Variants in FASTKD2 observed in about 807,000 individuals in gnomAD.
FASTKD2 encodes FAST kinase domains 2.
Under a neutral mutation model 63.6 loss-of-function variants are expected in FASTKD2, and 51 were observed. That is an observed-to-expected ratio of 0.80 (90% CI 0.64 to 1.01). The LOEUF (loss-of-function observed/expected upper bound fraction) is 1.01. Ranked by LOEUF, FASTKD2 falls within the 50% of genes least tolerant of loss-of-function variation. The probability of loss-of-function intolerance (pLI) is 0.00; values close to 1 mark genes in which losing one functional copy is unlikely to be tolerated. For missense variants in FASTKD2, 786 were observed against 831.1 expected (o/e 0.95, Z 0.67); for synonymous variants, 284 against 293.4 (o/e 0.97, Z 0.33).
chr2:206,789,836 C>T (rs774562563), intron 10 of FASTKD2: 1 of 152,280 alleles, frequency 6.6e-6, no homozygotes, highest in African/African-American at 2.4e-5. Context: ...TCGGGTACTC[C>T]GCTATTCTGG....
intron 8 of FASTKD2, 57 bp from the exon 9 acceptor site, chr2:206,787,880 T>C (rs1296351804): frequency 2.2e-6 from 2 of 907,532 alleles, no homozygotes; most frequent in East Asian, 5.2e-5. Context: ...ACTAATATAG[T>C]TTTTTAATGT....
At position 206,766,592 on chromosome 2, in the gene FASTKD2, A is replaced by C. The variant is rs1689484694; in HGVS notation, c.-50-52A>C. On this transcript the variant is annotated intron_variant, in intron 1 of 11. Coordinates refer to ENST00000402774, the MANE Select transcript of FASTKD2 (RefSeq NM_001136193.2). ...CTGTTAAATGCATTTCATTTCTTTA[A>C]GTAAAAGTTTTGTTTTAATTTTTAT... The C allele has an allele frequency of 9.9e-6, 10 of 1,008,600 alleles. No homozygotes were observed. The South Asian group carries it at 1.2e-4, about 12-fold the overall frequency. The allele number at this position is 1,008,600 out of a possible 1,614,324, so 62.5% of individuals were successfully genotyped here.
chr2:206,789,159 T>A lies in FASTKD2; in HGVS notation c.1898+256T>A, dbSNP rs543325922. 1.0e-4 allele frequency: 45 copies of A among 441,140 alleles called. No individual in the cohort carries two copies. The East Asian group carries it at 1.9e-3, about 18-fold the overall frequency. The allele number at this position is 441,140 out of a possible 1,614,324, so 27.3% of individuals were successfully genotyped here. A position where few individuals can be genotyped will look rare whatever the true frequency, so the allele number is the denominator to read the frequency against. On this transcript the variant is annotated intron_variant, in intron 10 of 11. Coordinates refer to ENST00000402774, the MANE Select transcript of FASTKD2 (RefSeq NM_001136193.2). ...TAAAATTAGGTTTTGAAGCTATAGT[T>A]CAATAAAACAATATTAATATAATTG... is the stretch of plus-strand genomic sequence containing the variant.
At chr2:206,768,560 G>A (rs1689585824) in intron 2 of FASTKD2, among the ~76,000 whole-genome samples, 2 of 152,112 alleles carry the variant, frequency 1.3e-5, no homozygotes, top group Admixed American at 1.3e-4. Context: ...AATTAGCTGG[G>A]TGTGATGTAC....
intron 4 of FASTKD2, 92 bp downstream of exon 4, chr2:206,771,382 C>G: frequency 1.3e-6 from 1 of 761,010 alleles, no homozygotes; most frequent in Non-Finnish European, 2.4e-6. Flanking sequence ...TCTAGGAGGA[C>G]ATTGCTGGGC....
chr2:206,780,467 G>T lies in FASTKD2; in HGVS notation c.1427+6070G>T, dbSNP rs569850615. Among the ~76,000 whole-genome samples, 5 of 152,350 alleles carry T rather than the reference G, an allele frequency of 3.3e-5. No homozygotes were observed. The East Asian group carries it at 7.7e-4, about 23-fold the overall frequency. ...GTTTCTGCTAAGAAGTTCACTGCTA[G>T]TCTGATGGGGGCTCCCTTGTACATG... On this transcript the variant is annotated intron_variant, in intron 7 of 11. Transcript: ENST00000402774.
At chr2:206,779,976 A>C (rs1401570111) in intron 7 of FASTKD2, among the ~76,000 whole-genome samples, 1 of 152,184 alleles carries the variant, frequency 6.6e-6, no homozygotes, top group Non-Finnish European at 1.5e-5. Flanking sequence ...AGTCTATTTT[A>C]AGCTGAAAAC....
At chr2:206,787,458 T>G (rs1690165976) in intron 8 of FASTKD2, among the ~76,000 whole-genome samples, 1 of 152,208 alleles carries the variant, frequency 6.6e-6, no homozygotes. Flanking sequence ...TGACGATGTG[T>G]CTGAGAATAG....
At position 206,790,666 on chromosome 2, in the gene FASTKD2, A is replaced by G. The variant is rs373432793; in HGVS notation, c.1993A>G (p.Met665Val). 71 of 1,602,946 alleles carry G rather than the reference A, an allele frequency of 4.4e-5. No homozygotes were observed. Among genetic ancestry groups the G allele is most frequent in the African/African-American group, 4.4e-4 (33 of 74,808 alleles). Residue 665 changes from methionine to valine, a missense_variant, in exon 11 of 12, where the codon ATG becomes GTG. Transcript: ENST00000402774. ...LAMKMRHLNA[M>V]GFHVILVNNW... ...TATGAAAATGCGGCATTTGAATGCA[A>G]TGGGTTTTCATGTGATCTTGGTGAG...
At position 206,792,348 on chromosome 2, in the gene FASTKD2, T is replaced by G. The variant is rs1690308266; in HGVS notation, c.*546T>G. The G allele has an allele frequency of 6.3e-6, 1 of 158,480 alleles. No homozygotes were observed. Among genetic ancestry groups the G allele is most frequent in the Non-Finnish European group, 1.4e-5 (1 of 71,832 alleles). 9.8% of individuals were successfully genotyped at this position (158,480 alleles called of 1,614,324 possible). On this transcript the variant is annotated 3_prime_UTR_variant, in exon 12 of 12. Transcript: ENST00000402774. ...GTAATAAGCACTGCAGGTAGAGATA[T>G]TTCATGGGTTATAATAAGAGAAACA... is the stretch of plus-strand genomic sequence containing the variant.
intron 8 of FASTKD2, among the ~76,000 whole-genome samples, chr2:206,787,654 C>A (rs964793585): frequency 6.6e-6 from 1 of 152,042 alleles, no homozygotes; most frequent in Admixed American, 6.6e-5. Context: ...TTTTAACTTT[C>A]CTGGGCATTT....
At chr2:206,786,065 C>T (rs1275845440) in intron 7 of FASTKD2, among the ~76,000 whole-genome samples, 1 of 152,088 alleles carries the variant, frequency 6.6e-6, no homozygotes, top group East Asian at 1.9e-4. Context: ...GCATGTATTT[C>T]TTTTTTTATA....
intron 7 of FASTKD2, among the ~76,000 whole-genome samples, chr2:206,783,651 T>G (rs1385243065): frequency 6.6e-6 from 1 of 152,122 alleles, no homozygotes; most frequent in Non-Finnish European, 1.5e-5. Context: ...ACCTGAGAGA[T>G]AACTTGTTCC....
chr2:206,765,882 ATCGCTTTCGTTTTCTGCTTC>A (rs886710698), intron 1 of FASTKD2, 135 bp downstream of exon 1: 1 of 152,292 alleles, frequency 6.6e-6, no homozygotes, highest in African/African-American at 2.4e-5. Context: ...ACGTGCAGAC[ATCGCTTTCGTTTTCTGCTTC>A]TTCCACTGAG....
chr2:206,770,346 A>G (rs778162589), intron 3 of FASTKD2, 152 bp downstream of exon 3: 6 of 685,764 alleles, frequency 8.7e-6, no homozygotes, highest in Non-Finnish European at 1.6e-5. Context: ...TACCTTATTA[A>G]GCTTAAAATC....
chr2:206,775,354 G>T (rs1689794899), intron 7 of FASTKD2, among the ~76,000 whole-genome samples: 1 of 150,420 alleles, frequency 6.6e-6, no homozygotes. Context: ...AGCATCAGTT[G>T]AAATGATCAT....
chr2:206,788,639 G>A (rs1158812072), intron 9 of FASTKD2, among the ~76,000 whole-genome samples, 180 bp from the exon 10 acceptor site: 9 of 149,378 alleles, frequency 6.0e-5, no homozygotes, highest in Non-Finnish European at 1.2e-4. Context: ...ACAGGGTGGG[G>A]TAAAAGGATT....
chr2:206,767,142 A>G lies in FASTKD2; in HGVS notation c.449A>G (p.Lys150Arg). 6.2e-7 allele frequency: 1 copy of G among 1,614,214 alleles called. No individual in the cohort carries two copies. The highest frequency in any genetic ancestry group is 1.1e-5 in the South Asian group (1 of 91,086). The stretch of plus-strand genomic sequence containing the variant: ...GAAGATGTTCTTACCAAGGAAACAA[A>G]ACCAAACCGTATCAGCAGTAGAAAA... ...SNEDVLTKET[K>R]PNRISSRKLS... is the part of the protein sequence containing the mutation. The change falls in exon 2 of 12, where the codon AAA (lysine) becomes AGA (arginine). Residue 150 changes from lysine to arginine, a missense_variant. Physicochemically the swap from Lys to Arg is conservative, Grantham distance 26 (BLOSUM62 2). Coordinates refer to ENST00000402774, the MANE Select transcript of FASTKD2 (RefSeq NM_001136193.2).
chr2:206,790,002 A>G (rs1690239771), intron 10 of FASTKD2: 1 of 152,670 alleles, frequency 6.6e-6, no homozygotes, highest in East Asian at 1.9e-4. Context: ...TTCTCCCAGT[A>G]AACTTAGTAT....
Sources: gnomAD v4.1 joint callset for allele counts (sites outside exome capture counted in the v4.1 genomes callset) on GRCh38, gnomAD v4.1.1 for gene constraint, MANE v1.5 for transcripts, NCBI Gene and HGNC (gene_info 2026-07-23, HGNC 2026-07-21) for gene names.